The following KCNH4 variants were observed in gnomAD, a reference collection of about 807,000 sequenced individuals.
KCNH4 encodes the protein voltage-gated delayed rectifier potassium channel KCNH4.
Under a neutral mutation model 90.7 loss-of-function variants are expected in KCNH4, and 33 were observed. That is an observed-to-expected ratio of 0.36 (90% CI 0.28 to 0.49). The LOEUF (loss-of-function observed/expected upper bound fraction) is 0.49. KCNH4 is among the 20% of genes least tolerant of loss of function. The pLI is 0.98. For synonymous variants in KCNH4, 551 were observed against 581.7 expected (o/e 0.95, Z 0.76); for missense variants, 1,044 against 1,387.1 (o/e 0.75, Z 3.93).
chr17:42,166,214 G>A, intron 10 of KCNH4, 83 bp downstream of exon 10: 1 of 1,482,910 alleles, frequency 6.7e-7, no homozygotes, highest in Non-Finnish European at 9.0e-7. Context: ...CCATTCCCTA[G>A]AATCCTGGCC....
chr17:42,170,045 A>G, intron 8 of KCNH4, 62 bp downstream of exon 8: 1 of 1,488,952 alleles, frequency 6.7e-7, no homozygotes, highest in Non-Finnish European at 9.0e-7. Flanking sequence ...TCTGGGCCTC[A>G]GTTTCCCCGT....
intron 2 of KCNH4, 131 bp downstream of exon 2, chr17:42,178,662 C>A: frequency 8.9e-7 from 1 of 1,118,398 alleles, no homozygotes; most frequent in South Asian, 1.6e-5. Flanking sequence ...CCAGAGAGGT[C>A]AGGGATACGC....
intron 7 of KCNH4, among the ~76,000 whole-genome samples, chr17:42,171,485 C>G (rs994402037): frequency 2.6e-5 from 4 of 152,040 alleles, no homozygotes; most frequent in Non-Finnish European, 5.9e-5. Flanking sequence ...GGACTTTTCA[C>G]GTGCTGCTCC....
At position 42,171,937 on chromosome 17, in the gene KCNH4, TGCAGCAGCC is replaced by T. The variant is rs767802399; in HGVS notation, c.1037_1045del (p.Arg346_Leu348del). The T allele has an allele frequency of 6.2e-7, 1 of 1,608,386 alleles. No homozygotes were observed. The highest frequency in any genetic ancestry group is 1.3e-5 in the African/African-American group (1 of 74,816). On this transcript the variant is annotated inframe_deletion, in exon 7 of 17. Coordinates refer to ENST00000264661, the MANE Select transcript of KCNH4 (RefSeq NM_012285.3). Reference sequence around the variant, plus strand: ...GCACTGAGAGTACCGCTCCAGCTTCTGCAGCAGCCGCAGCAGCCGCAACAGCCGCACTGT... The same window carrying T: ...GCACTGAGAGTACCGCTCCAGCTTCTGCAGCAGCCGCAACAGCCGCACTGT...
intron 11 of KCNH4, among the ~76,000 whole-genome samples, chr17:42,165,087 CAGAGTA>C (rs1485668122): frequency 6.8e-6 from 1 of 147,514 alleles, no homozygotes; most frequent in African/African-American, 2.5e-5. Flanking sequence ...GCCTGGGCGA[CAGAGTA>C]AGACTTCGTC....
intron 9 of KCNH4, 28 bp from the exon 10 acceptor site, chr17:42,166,574 C>T: frequency 6.3e-7 from 1 of 1,589,630 alleles, no homozygotes. Flanking sequence ...GTCATTCTGG[C>T]CATCCCCCTG....
rs1237922309 is a variant in KCNH4, at chr17:42,175,679, G to T, written c.887C>A (p.Ala296Asp). Residue 296 changes from alanine to aspartate, a missense_variant, in exon 6 of 17, where the codon GCT becomes GAT. Ala to Asp is a moderately radical substitution (Grantham distance 126). This residue lies in a region of KCNH4 where 318 missense variants were observed against 479.6 expected (regional missense o/e 0.66). Coordinates refer to ENST00000264661, the MANE Select transcript of KCNH4 (RefSeq NM_012285.3). ...YVSQSGQVIS[A>D]PRSIGLHYLA... is the part of the protein sequence containing the mutation. Reference sequence around the variant, plus strand: ...GTAGTGGAGGCCAATGGAACGAGGAGCAGAGATTACCTGGCCGGACTGGGA... The same window carrying T: ...GTAGTGGAGGCCAATGGAACGAGGATCAGAGATTACCTGGCCGGACTGGGA... 1 of 1,614,062 alleles carries T rather than the reference G, an allele frequency of 6.2e-7. No homozygotes were observed. The highest frequency in any genetic ancestry group is 8.5e-7 in the Non-Finnish European group (1 of 1,180,038).
chr17:42,178,743 A>C (rs2079880489), intron 2 of KCNH4, 50 bp downstream of exon 2: 1 of 1,507,726 alleles, frequency 6.6e-7, no homozygotes, highest in South Asian at 1.1e-5. Context: ...TGCCCTCTGG[A>C]TAAGGCTAGG....
At chr17:42,158,737 A>G (rs1321225298) in intron 16 of KCNH4, among the ~76,000 whole-genome samples, 1 of 150,964 alleles carries the variant, frequency 6.6e-6, no homozygotes, top group African/African-American at 2.4e-5. Context: ...TGGGAGCCTG[A>G]GGCAGGAGAA....
intron 6 of KCNH4, among the ~76,000 whole-genome samples, chr17:42,173,464 C>T (rs1457964624): frequency 6.6e-6 from 1 of 152,090 alleles, no homozygotes. Context: ...TTGGGCCACT[C>T]TCTTGGGGAT....
chr17:42,176,582 G>T (rs1396783859), intron 4 of KCNH4, among the ~76,000 whole-genome samples: 3 of 143,004 alleles, frequency 2.1e-5, no homozygotes, highest in Non-Finnish European at 4.5e-5. Context: ...GAGTGCAAGG[G>T]CATGATCTTG....
rs370501052 is a variant in KCNH4, at chr17:42,169,553, G to A, written c.1514C>T (p.Pro505Leu). The A allele has an allele frequency of 9.3e-6, 15 of 1,613,526 alleles. No homozygotes were observed. The highest frequency in any genetic ancestry group is 1.3e-5 in the African/African-American group (1 of 74,940). The change falls in exon 9 of 17, where the codon CCG becomes CTG. Residue 505 changes from proline (P) to leucine (L), a missense_variant. Pro to Leu is a moderately conservative substitution (Grantham distance 98). Transcript: ENST00000264661. ...GAGCATGCGCTGCTTGAGCGGCCGC[G>A]GCAGGCGGTGCACACGGATGAAGTC... ...LKDFIRVHRL[P>L]RPLKQRMLEY... is the part of the protein sequence containing the mutation.
chr17:42,175,983 G>A (rs2079857715), intron 5 of KCNH4, 71 bp downstream of exon 5: 4 of 1,511,406 alleles, frequency 2.6e-6, no homozygotes, highest in Non-Finnish European at 3.6e-6. Flanking sequence ...TGGGCCCCAG[G>A]AGTGGGTGAG....
Position 42,163,520 on chromosome 17 carries a change from CTGTT to C in KCNH4, c.2477+82_2477+85del. 2 of 770,430 alleles carry C rather than the reference CTGTT, an allele frequency of 2.6e-6. No homozygotes were observed. The highest frequency in any genetic ancestry group is 4.2e-6 in the Non-Finnish European group (2 of 472,472). The allele number at this position is 770,430 out of a possible 1,614,324, so 47.7% of individuals were successfully genotyped here. A position where few individuals can be genotyped will look rare whatever the true frequency, so the allele number is the denominator to read the frequency against. On this transcript the variant is annotated intron_variant, in intron 13 of 16. Coordinates refer to ENST00000264661, the MANE Select transcript of KCNH4 (RefSeq NM_012285.3). The surrounding 1 kb of genome is among the most constrained non-coding windows in gnomAD (Gnocchi z 5.4). Reference sequence around the variant, plus strand: ...ACACGGGCAGAGACGGAATGTAGCACTGTTTGGAACGCCAGGGATAGAGCCCAGA... The same window carrying C: ...ACACGGGCAGAGACGGAATGTAGCACTGGAACGCCAGGGATAGAGCCCAGA...
rs1321798330 is a variant in KCNH4, at chr17:42,179,627, T to C, written c.77-601A>G. Among the ~76,000 whole-genome samples the C allele has an allele frequency of 2.0e-5, 3 of 152,312 alleles. No homozygotes were observed. The East Asian group carries it at 5.8e-4, about 29-fold the overall frequency. Reference sequence around the variant, plus strand: ...AGAGATTCTGATGACACCACACCCATTTATTGATAGGAAACCAAAAGGCAG... The same window carrying C: ...AGAGATTCTGATGACACCACACCCACTTATTGATAGGAAACCAAAAGGCAG... On this transcript the variant is annotated intron_variant, in intron 1 of 16. Transcript: ENST00000264661.
intron 5 of KCNH4, 57 bp downstream of exon 5, chr17:42,175,997 T>G: frequency 6.5e-7 from 1 of 1,548,080 alleles, no homozygotes; most frequent in Non-Finnish European, 8.8e-7. Flanking sequence ...GGGTGAGGCT[T>G]GGCCAAGTGG....
Position 42,170,135 on chromosome 17 carries a change from G to A in KCNH4, c.1362C>T (p.Ile454=), listed in dbSNP as rs1466413591. ...CTATGAGCATCGTGCAGATGGAGAA[G>A]ATCTTCTCCGCGTCGGTGTTGGCAC... ...NVCANTDAEK[I]FSICTMLIGA... The change falls in exon 8 of 17, where the codon ATC becomes ATT. Residue 454 remains isoleucine (I), a synonymous_variant. Coordinates refer to ENST00000264661, the MANE Select transcript of KCNH4 (RefSeq NM_012285.3). 1.9e-5 allele frequency: 31 copies of A among 1,612,356 alleles called. No individual in the cohort carries two copies. The highest frequency in any genetic ancestry group is 2.6e-5 in the Non-Finnish European group (31 of 1,179,348).
chr17:42,170,446 C>T, intron 7 of KCNH4, 145 bp from the exon 8 acceptor site: 2 of 644,640 alleles, frequency 3.1e-6, no homozygotes, highest in Non-Finnish European at 5.1e-6. Context: ...GCCTGTGTCT[C>T]CCCATGGTGC....
intron 16 of KCNH4, among the ~76,000 whole-genome samples, chr17:42,158,025 T>G (rs1365186031): frequency 6.6e-6 from 1 of 151,816 alleles, no homozygotes; most frequent in Non-Finnish European, 1.5e-5. Flanking sequence ...ACCTCCCAGG[T>G]TCAAGCGATT....
Sources: gnomAD v4.1 joint callset for allele counts (sites outside exome capture counted in the v4.1 genomes callset) on GRCh38, gnomAD v4.1.1 for gene constraint, gnomAD v4.1.1 regional missense constraint, Gnocchi (gnomAD v3.1) non-coding constraint, MANE v1.5 for transcripts, NCBI Gene and HGNC (gene_info 2026-07-23, HGNC 2026-07-21) for gene names.